SGMS1: variants seen among roughly 807,000 people sequenced by gnomAD.
SGMS1 encodes the protein sphingomyelin synthase 1, also known as phosphatidylcholine:ceramide cholinephosphotransferase 1.
Under a neutral mutation model 46.2 loss-of-function variants are expected in SGMS1, and 13 were observed. The ratio of observed to expected loss-of-function variants is 0.28; its 90% CI spans 0.18 to 0.45. The LOEUF (loss-of-function observed/expected upper bound fraction) is 0.45, where lower values mean the gene tolerates loss of function less well. SGMS1 is among the 20% of genes least tolerant of loss of function. The pLI, the probability that SGMS1 is intolerant of heterozygous loss-of-function variation, is 1.00. For missense variants in SGMS1, 324 were observed against 519.9 expected, an observed-to-expected ratio of 0.62 and a Z score of 3.66; for synonymous variants, 203 against 187.8, an observed-to-expected ratio of 1.08 and a Z score of -0.66.
At chr10:50,473,992 G>C (rs1341080882) in intron 3 of SGMS1, 1 of 152,240 alleles carries the variant, frequency 6.6e-6, no homozygotes, top group Non-Finnish European at 1.5e-5. Flanking sequence ...GAACTTGCCA[G>C]TTAGATGTCA....
chr10:50,613,388 G>A (rs1443176076), intron 1 of SGMS1, among the ~76,000 whole-genome samples: 6 of 152,166 alleles, frequency 3.9e-5, no homozygotes, highest in East Asian at 1.9e-4. Context: ...AGACCCCATC[G>A]CACTCATCTC....
chr10:50,623,404 C>T (rs1838875602), intron 1 of SGMS1, among the ~76,000 whole-genome samples: 1 of 152,134 alleles, frequency 6.6e-6, no homozygotes, highest in African/African-American at 2.4e-5. Flanking sequence ...TGAAAAGGTG[C>T]CCACTGACGC....
In SGMS1 at chr10:50,485,229, G is replaced by A. The variant is rs114747407; in HGVS notation, c.-497-18297C>T. 9.1e-3 allele frequency among the ~76,000 whole-genome samples: 1,380 copies of A among 152,130 alleles called. 17 individuals are homozygous for A. Among genetic ancestry groups the A allele is most frequent in the African/African-American group, 0.03 (1,246 of 41,502 alleles). On this transcript the variant is annotated intron_variant, in intron 3 of 10. Transcript: ENST00000361781. ...GATACAAAATCAATGTCTAAAAGTC[G>A]CTAGCATTCCTATACACCAACAGCA...
intron 6 of SGMS1, among the ~76,000 whole-genome samples, chr10:50,401,785 C>T (rs1049456298): frequency 1.2e-4 from 19 of 152,320 alleles, no homozygotes; most frequent in East Asian, 7.7e-4. Context: ...TCTGTCCTCA[C>T]TGAGGCTAAA....
Position 50,456,787 on chromosome 10 carries a change from A to T in SGMS1, c.-313+3886T>A, listed in dbSNP as rs7912234. 7.5e-3 allele frequency among the ~76,000 whole-genome samples: 1,136 copies of T among 152,332 alleles called. 17 individuals carry two copies. Among genetic ancestry groups the T allele is most frequent in the African/African-American group, 0.026 (1,078 of 41,560 alleles). On this transcript the variant is annotated intron_variant, in intron 5 of 10. Transcript: ENST00000361781. ...ATCACCTGCAAATCAGGATTTGAGAAGTTTCATCTAAGTATGAAAACACTG... is the reference window on the plus strand; with the variant it reads ...ATCACCTGCAAATCAGGATTTGAGATGTTTCATCTAAGTATGAAAACACTG...
intron 6 of SGMS1, among the ~76,000 whole-genome samples, chr10:50,384,559 C>T (rs1357640415): frequency 6.6e-6 from 1 of 151,816 alleles, no homozygotes; most frequent in Admixed American, 6.6e-5. Flanking sequence ...AGCAGTCTCC[C>T]ACCTCAGCCT....
chr10:50,618,943 G>A (rs182126118), intron 1 of SGMS1, among the ~76,000 whole-genome samples: 25 of 152,170 alleles, frequency 1.6e-4, no homozygotes, highest in Non-Finnish European at 3.4e-4. Flanking sequence ...ATGCTGCCAG[G>A]TGTGGACCAT....
At chr10:50,454,102 C>T (rs931812781) in intron 5 of SGMS1, among the ~76,000 whole-genome samples, 31 of 142,124 alleles carry the variant, frequency 2.2e-4, no homozygotes, top group Non-Finnish European at 4.0e-4. Context: ...TTCCAGATAG[C>T]AGCTTGACCA....
At chr10:50,405,604 A>T (rs1200868062) in intron 6 of SGMS1, among the ~76,000 whole-genome samples, 1 of 152,240 alleles carries the variant, frequency 6.6e-6, no homozygotes, top group African/African-American at 2.4e-5. Context: ...ATTCATGAAA[A>T]GCAGTAAAGA....
At chr10:50,407,256 T>A (rs923888007) in intron 6 of SGMS1, among the ~76,000 whole-genome samples, 3 of 152,196 alleles carry the variant, frequency 2.0e-5, no homozygotes, top group Non-Finnish European at 4.4e-5. Context: ...CCGATAAAAA[T>A]CTAGGTGAAG....
At chr10:50,450,436 G>A (rs184761217) in intron 5 of SGMS1, among the ~76,000 whole-genome samples, 33 of 152,256 alleles carry the variant, frequency 2.2e-4, no homozygotes, top group African/African-American at 7.9e-4. Flanking sequence ...ATGTGAGAAT[G>A]CTGGGACAAT....
chr10:50,389,484 TG>T (rs2133501840), intron 6 of SGMS1, among the ~76,000 whole-genome samples: 1 of 152,302 alleles, frequency 6.6e-6, no homozygotes, highest in East Asian at 1.9e-4. Flanking sequence ...ATACACAGAC[TG>T]GGGCCATCAA....
chr10:50,417,153 G>A (rs1411186388), intron 6 of SGMS1, among the ~76,000 whole-genome samples: 2 of 152,030 alleles, frequency 1.3e-5, no homozygotes, highest in African/African-American at 2.4e-5. Flanking sequence ...ATCCTCAGTC[G>A]TCACAGGATT....
intron 6 of SGMS1, among the ~76,000 whole-genome samples, chr10:50,377,382 A>T (rs1246950170): frequency 2.0e-5 from 3 of 152,226 alleles, no homozygotes; most frequent in Non-Finnish European, 4.4e-5. Flanking sequence ...CAGAGTCCTC[A>T]TAACTCAATC....
intron 6 of SGMS1, among the ~76,000 whole-genome samples, chr10:50,404,922 A>C (rs1331906379): frequency 6.6e-6 from 1 of 152,218 alleles, no homozygotes; most frequent in African/African-American, 2.4e-5. Flanking sequence ...TGACAGGAAT[A>C]TATCTCAAAA....
chr10:50,453,615 C>T (rs1837139867), intron 5 of SGMS1, among the ~76,000 whole-genome samples: 2 of 151,028 alleles, frequency 1.3e-5, no homozygotes, highest in South Asian at 2.1e-4. Context: ...AAAAGTCCAA[C>T]ATGTGTTCTT....
At chr10:50,490,935 C>A (rs1384586697) in intron 3 of SGMS1, among the ~76,000 whole-genome samples, 1 of 152,076 alleles carries the variant, frequency 6.6e-6, no homozygotes, top group Non-Finnish European at 1.5e-5. Flanking sequence ...CCAGCTCAGA[C>A]CACCCTTGAC....
intron 7 of SGMS1, among the ~76,000 whole-genome samples, chr10:50,331,625 T>C (rs1452428517): frequency 3.3e-5 from 5 of 152,202 alleles, no homozygotes; most frequent in South Asian, 2.1e-4. Context: ...CAACACTCTA[T>C]CTCACCTGAA....
intron 2 of SGMS1, among the ~76,000 whole-genome samples, chr10:50,568,495 T>A (rs1005652118): frequency 1.5e-4 from 23 of 152,170 alleles, no homozygotes; most frequent in Non-Finnish European, 3.2e-4. Flanking sequence ...ATCATTCCCA[T>A]CCAATTCATC....
Sources: allele counts gnomAD v4.1 joint callset (sites outside exome capture counted in the v4.1 genomes callset), GRCh38; gene constraint gnomAD v4.1.1; transcripts MANE v1.5; gene names NCBI Gene and HGNC (gene_info 2026-07-23, HGNC 2026-07-21).